The following GALNTL6 variants were observed in gnomAD, a reference collection of about 807,000 sequenced individuals.
GALNTL6 encodes polypeptide N-acetylgalactosaminyltransferase like 6, also known as polypeptide N-acetylgalactosaminyltransferase-like 6.
Under a neutral mutation model 73.7 loss-of-function variants are expected in GALNTL6, and 46 were observed. That is an observed-to-expected ratio of 0.62 (90% CI 0.49 to 0.80). The LOEUF (loss-of-function observed/expected upper bound fraction) is 0.80, where lower values mean the gene tolerates loss of function less well. Among genes scored for constraint, GALNTL6 ranks in the 30% least tolerant of loss-of-function variants. The pLI is 0.00. For missense variants in GALNTL6, 604 were observed against 755.0 expected, an observed-to-expected ratio of 0.80 and a Z score of 2.34; for synonymous variants, 259 against 263.7, an observed-to-expected ratio of 0.98 and a Z score of 0.17.
At chr4:172,950,470 C>A (rs1195873961) in intron 9 of GALNTL6, among the ~76,000 whole-genome samples, 1 of 152,140 alleles carries the variant, frequency 6.6e-6, no homozygotes, top group Non-Finnish European at 1.5e-5. Flanking sequence ...GTTAACAGAG[C>A]CCTTCTTGGT....
intron 5 of GALNTL6, among the ~76,000 whole-genome samples, chr4:172,484,777 A>G (rs1454996515): frequency 6.6e-6 from 1 of 152,174 alleles, no homozygotes; most frequent in Non-Finnish European, 1.5e-5. Context: ...TTACACACAA[A>G]ACAGAAGAAT....
chr4:172,073,573 TAAAC>T (rs1366648854), intron 2 of GALNTL6, among the ~76,000 whole-genome samples: 7 of 152,158 alleles, frequency 4.6e-5, no homozygotes, highest in Non-Finnish European at 1.0e-4. Context: ...GAGATTACTA[TAAAC>T]ACCTCCTTCC....
At chr4:172,210,591 GC>G (rs1560971286) in intron 2 of GALNTL6, among the ~76,000 whole-genome samples, 2 of 152,184 alleles carry the variant, frequency 1.3e-5, no homozygotes, top group South Asian at 2.1e-4. Context: ...GAGGTAAAGT[GC>G]TATTTTCATT....
chr4:172,073,002 G>A (rs1731592265), intron 2 of GALNTL6, among the ~76,000 whole-genome samples: 1 of 151,956 alleles, frequency 6.6e-6, no homozygotes, highest in Non-Finnish European at 1.5e-5. Context: ...CTCACTTATC[G>A]ATTCTCCTCT....
intron 5 of GALNTL6, among the ~76,000 whole-genome samples, chr4:172,751,595 G>A (rs976391374): frequency 4.6e-5 from 7 of 152,172 alleles, no homozygotes; most frequent in Admixed American, 6.5e-5. Flanking sequence ...CACAAGAAGG[G>A]TGATGTTCCT....
intron 5 of GALNTL6, among the ~76,000 whole-genome samples, chr4:172,737,283 A>T (rs546622697): frequency 6.6e-6 from 1 of 152,168 alleles, no homozygotes; most frequent in Admixed American, 6.5e-5. Flanking sequence ...TATGTCTTGC[A>T]GGTGGTCTTT....
chr4:172,217,240 C>G (rs933681802), intron 2 of GALNTL6, among the ~76,000 whole-genome samples: 6 of 152,136 alleles, frequency 3.9e-5, no homozygotes, highest in African/African-American at 1.4e-4. Context: ...TTTTCCCCCA[C>G]AAAGGACAGC....
chr4:172,981,165 T>C (rs1272565126), intron 10 of GALNTL6, among the ~76,000 whole-genome samples: 4 of 152,252 alleles, frequency 2.6e-5, no homozygotes, highest in Non-Finnish European at 5.9e-5. Context: ...TACATAGGCA[T>C]ATAAATATCT....
At chr4:172,318,225 C>T (rs943606316) in intron 4 of GALNTL6, among the ~76,000 whole-genome samples, 7 of 152,076 alleles carry the variant, frequency 4.6e-5, no homozygotes, top group African/African-American at 1.7e-4. Context: ...ATAACAACAA[C>T]AAAAAATTTA....
intron 3 of GALNTL6, among the ~76,000 whole-genome samples, chr4:172,243,013 A>G (rs756166561): frequency 3.7e-4 from 57 of 152,192 alleles, no homozygotes; most frequent in Non-Finnish European, 7.6e-4. Context: ...TGTTAATCAT[A>G]TTCAAAAATA....
intron 5 of GALNTL6, among the ~76,000 whole-genome samples, chr4:172,698,741 ATCC>A (rs1190033125): frequency 1.3e-5 from 2 of 152,182 alleles, no homozygotes; most frequent in African/African-American, 4.8e-5. Flanking sequence ...CTAAGGAGGT[ATCC>A]TCCTGCTCCT....
intron 2 of GALNTL6, among the ~76,000 whole-genome samples, chr4:172,022,428 T>G (rs1741433568): frequency 6.6e-6 from 1 of 152,044 alleles, no homozygotes; most frequent in Non-Finnish European, 1.5e-5. Context: ...GTTAAGTTCT[T>G]GCATGACCAC....
intron 9 of GALNTL6, among the ~76,000 whole-genome samples, chr4:172,934,571 G>A (rs1459964371): frequency 6.6e-6 from 1 of 152,208 alleles, no homozygotes; most frequent in Non-Finnish European, 1.5e-5. Flanking sequence ...CTGGGAATAA[G>A]CGTATTCACT....
rs1398411327 is a variant in GALNTL6 at position 172,892,840 on chromosome 4, C to A, written c.1041+9933C>A. Among the ~76,000 whole-genome samples, 3 of 152,172 alleles carry A rather than the reference C, an allele frequency of 2.0e-5. 1 individual carries two copies. Among genetic ancestry groups the A allele is most frequent in the African/African-American group, 7.2e-5 (3 of 41,442 alleles). On this transcript the variant is annotated intron_variant, in intron 8 of 12. Transcript: ENST00000506823. ...AAGCGAAACGCTGGCAAACTGCTTT[C>A]CCTCCTCCCTCAGGGGCAGCCCAAG...
At chr4:172,888,934 T>C (rs565790244) in intron 8 of GALNTL6, among the ~76,000 whole-genome samples, 1 of 152,346 alleles carries the variant, frequency 6.6e-6, no homozygotes, top group South Asian at 2.1e-4. Context: ...CTATGATTTC[T>C]TTCATCAGTG....
intron 2 of GALNTL6, among the ~76,000 whole-genome samples, chr4:172,206,803 CTGTTTTTTTTGTT>C (rs1560969294): frequency 1.5e-4 from 2 of 13,402 alleles, no homozygotes; most frequent in African/African-American, 3.1e-4. Context: ...TTTTGTTTTT[CTGTTTTTTTTGTT>C]TGTTTTTTTT....
intron 5 of GALNTL6, among the ~76,000 whole-genome samples, chr4:172,466,956 G>A (rs946061516): frequency 6.6e-6 from 1 of 152,078 alleles, no homozygotes; most frequent in Non-Finnish European, 1.5e-5. Context: ...CCTTAGTAAC[G>A]CTGCAACTGA....
intron 11 of GALNTL6, among the ~76,000 whole-genome samples, chr4:173,014,181 C>T (rs1213839172): frequency 6.6e-6 from 1 of 152,216 alleles, no homozygotes; most frequent in African/African-American, 2.4e-5. Flanking sequence ...AACGTGGTTT[C>T]TGTGAAGGAA....
chr4:172,689,380 T>C (rs13146563), intron 5 of GALNTL6, among the ~76,000 whole-genome samples: 80,668 of 152,006 alleles, frequency 0.53, 22,352 homozygotes, highest in African/African-American at 0.7. Flanking sequence ...AAATGGAAAG[T>C]ATAAAGCTTA....
Sources: gnomAD v4.1 joint callset for allele counts (sites outside exome capture counted in the v4.1 genomes callset) on GRCh38, gnomAD v4.1.1 for gene constraint, MANE v1.5 for transcripts, NCBI Gene and HGNC (gene_info 2026-07-23, HGNC 2026-07-21) for gene names.